CAST: variants seen among roughly 807,000 people sequenced by gnomAD.
CAST encodes the protein MIR583 host.
A neutral mutation model predicts 119.6 loss-of-function variants in CAST; 76 were observed. The ratio of observed to expected loss-of-function variants is 0.64; its 90% CI spans 0.53 to 0.77. The LOEUF (loss-of-function observed/expected upper bound fraction) is 0.77, where lower values mean the gene tolerates loss of function less well. CAST is among the 30% of genes least tolerant of loss of function. The pLI, the probability that CAST is intolerant of heterozygous loss-of-function variation, is 0.00. For synonymous variants in CAST, 319 were observed against 331.6 expected (o/e 0.96, Z 0.41); for missense variants, 953 against 946.5 (o/e 1.01, Z -0.09).
upstream of CAST, among the ~76,000 whole-genome samples, chr5:96,657,155 C>T (rs546875592): frequency 1.4e-3 from 206 of 152,260 alleles, no homozygotes; most frequent in African/African-American, 4.8e-3. Flanking sequence ...TGACCTTAGG[C>T]GTACCTTGGA....
the CAST span, among the ~76,000 whole-genome samples, chr5:96,433,436 G>A: frequency 6.6e-6 from 1 of 152,246 alleles, no homozygotes; most frequent in Non-Finnish European, 1.5e-5. Context: ...GATCAGTTAA[G>A]TCTGCTCCTT....
the CAST span, among the ~76,000 whole-genome samples, chr5:96,220,519 C>CCCA: frequency 6.6e-6 from 1 of 152,152 alleles, no homozygotes; most frequent in Non-Finnish European, 1.5e-5. Context: ...AAAAAAGAAA[C>CCCA]TGATACCCAA....
chr5:96,112,814 A>G, the CAST span, among the ~76,000 whole-genome samples: 2 of 152,230 alleles, frequency 1.3e-5, no homozygotes, highest in African/African-American at 4.8e-5. Context: ...ATGTGACAAC[A>G]TAGTACAATG....
chr5:96,546,940 A>G (rs1042254795), intron 1 of CAST, among the ~76,000 whole-genome samples: 4 of 152,306 alleles, frequency 2.6e-5, no homozygotes, highest in Admixed American at 2.0e-4. Context: ...TATTGCAGAG[A>G]GCAGGAAAAC....
the CAST span, among the ~76,000 whole-genome samples, chr5:96,212,582 T>A: frequency 1.3e-5 from 2 of 152,168 alleles, no homozygotes; most frequent in African/African-American, 4.8e-5. Flanking sequence ...GTTCCATAAA[T>A]GTCAATTAGA....
the CAST span, among the ~76,000 whole-genome samples, chr5:96,315,058 G>A: frequency 1.8e-4 from 27 of 152,188 alleles, no homozygotes; most frequent in African/African-American, 6.0e-4. Flanking sequence ...TCACCCTCAC[G>A]CAATCAGTGT....
chr5:96,594,523 T>C (rs1269480945), intron 1 of CAST, among the ~76,000 whole-genome samples: 1 of 152,232 alleles, frequency 6.6e-6, no homozygotes, highest in Non-Finnish European at 1.5e-5. Context: ...AATATAAAGA[T>C]GGATGACAAA....
chr5:96,440,797 C>T, the CAST span, among the ~76,000 whole-genome samples: 5 of 152,146 alleles, frequency 3.3e-5, no homozygotes, highest in South Asian at 1.0e-3. Context: ...TTTCCTAGTG[C>T]TCTACAGCTG....
At chr5:96,628,174 A>G (rs971866813) in intron 1 of CAST, among the ~76,000 whole-genome samples, 4 of 152,262 alleles carry the variant, frequency 2.6e-5, no homozygotes, top group Admixed American at 1.3e-4. Flanking sequence ...CCTCTTTTGT[A>G]ATGGCATGCA....
the CAST span, among the ~76,000 whole-genome samples, chr5:96,072,450 C>G: frequency 6.6e-6 from 1 of 152,194 alleles, no homozygotes; most frequent in African/African-American, 2.4e-5. Flanking sequence ...GGAGCTTTTA[C>G]AGGTGCTTCA....
chr5:96,542,308 CAA>C (rs759173589), intron 1 of CAST, among the ~76,000 whole-genome samples: 5 of 37,056 alleles, frequency 1.3e-4, no homozygotes, highest in Admixed American at 3.3e-4. Flanking sequence ...GACTTAGTCT[CAA>C]AAAAAAAAAA....
intron 22 of CAST, chr5:96,755,266 G>C (rs1054344791): frequency 3.3e-5 from 5 of 152,436 alleles, no homozygotes; most frequent in Non-Finnish European, 5.9e-5. Context: ...TTGAGCCCAG[G>C]AGGTAGAGGC....
rs201058140 is a variant in CAST, at chr5:96,737,324, A to AC, written c.700-525_700-524insC. Among the ~76,000 whole-genome samples, 71 of 152,102 alleles carry AC rather than the reference A, an allele frequency of 4.7e-4. 1 individual carries two copies. In the South Asian group the frequency reaches 6.2e-3, roughly 13 times the overall value. ...TCAGGCAAGCAAGTGAACAACAACA[A>AC]AAAAAAACATGAATGAAATAATACA... On this transcript the variant is annotated intron_variant, in intron 10 of 31. Transcript: ENST00000675179.
the CAST span, among the ~76,000 whole-genome samples, chr5:96,493,008 C>G: frequency 6.6e-6 from 1 of 151,782 alleles, no homozygotes; most frequent in Non-Finnish European, 1.5e-5. Context: ...CAAAAACAAA[C>G]AAAAAAATAC....
the CAST span, among the ~76,000 whole-genome samples, chr5:96,016,305 G>C: frequency 2.0e-5 from 3 of 152,194 alleles, no homozygotes; most frequent in Non-Finnish European, 4.4e-5. Context: ...CACAGCTCAA[G>C]TACTAACCAG....
At chr5:96,547,954 T>A (rs1462449960) in intron 1 of CAST, among the ~76,000 whole-genome samples, 2 of 150,106 alleles carry the variant, frequency 1.3e-5, no homozygotes, top group Non-Finnish European at 3.0e-5. Flanking sequence ...TCTATTCCAA[T>A]CTACATTCAA....
chr5:96,646,072 A>G (rs56039602), intron 1 of CAST, among the ~76,000 whole-genome samples: 7,185 of 152,224 alleles, frequency 0.047, 253 homozygotes, highest in Middle Eastern at 0.085. Context: ...TTAAAACCAC[A>G]AGGAGGTAAT....
chr5:96,689,116 T>A (rs1435548856), intron 2 of CAST, among the ~76,000 whole-genome samples: 3 of 152,230 alleles, frequency 2.0e-5, no homozygotes, highest in Admixed American at 6.5e-5. Context: ...ATATTTTTAG[T>A]TCATATTCTC....
chr5:96,371,897 C>T, the CAST span, among the ~76,000 whole-genome samples: 1 of 152,348 alleles, frequency 6.6e-6, no homozygotes, highest in African/African-American at 2.4e-5. Context: ...TATTCTAATA[C>T]TAAGGCAGTA....
Sources: gnomAD v4.1 joint callset for allele counts (sites outside exome capture counted in the v4.1 genomes callset) on GRCh38, gnomAD v4.1.1 for gene constraint, MANE v1.5 for transcripts, NCBI Gene and HGNC (gene_info 2026-07-23, HGNC 2026-07-21) for gene names.